Variants in SND1 observed in about 807,000 individuals in gnomAD.
The protein encoded by SND1 is staphylococcal nuclease domain-containing protein 1.
In SND1, 38 loss-of-function variants were observed where a neutral mutation model predicts 121.7. The ratio of observed to expected loss-of-function variants is 0.31; its 90% CI spans 0.24 to 0.41. SND1 has a LOEUF of 0.41. Ranked by LOEUF, SND1 falls within the 10% of genes least tolerant of loss-of-function variation. SND1 has a pLI of 1.00. For synonymous variants in SND1, 401 were observed against 447.4 expected (o/e 0.90, Z 1.31); for missense variants, 868 against 1,184.6 (o/e 0.73, Z 3.92).
At chr7:127,802,478 T>C (rs1455073432) in intron 10 of SND1, among the ~76,000 whole-genome samples, 1 of 152,238 alleles carries the variant, frequency 6.6e-6, no homozygotes, top group African/African-American at 2.4e-5. Flanking sequence ...TGCCTTAGTT[T>C]GTGGCATTTG....
chr7:127,896,118 A>C (rs1344462238), intron 13 of SND1, among the ~76,000 whole-genome samples: 1 of 151,996 alleles, frequency 6.6e-6, no homozygotes, highest in Admixed American at 6.6e-5. Context: ...CAGAGAGGAC[A>C]TTGTTCTAGG....
chr7:127,767,412 G>A (rs772492836), intron 10 of SND1, among the ~76,000 whole-genome samples: 7 of 152,268 alleles, frequency 4.6e-5, no homozygotes, highest in Non-Finnish European at 1.0e-4. Context: ...CTAGGCCCTC[G>A]AATCTATTTC....
At chr7:127,996,977 A>G (rs894435151) in intron 16 of SND1, among the ~76,000 whole-genome samples, 1 of 152,236 alleles carries the variant, frequency 6.6e-6, no homozygotes, top group African/African-American at 2.4e-5. Context: ...AGTCTCAGGT[A>G]AGAAAAACTC....
intron 15 of SND1, among the ~76,000 whole-genome samples, chr7:127,959,287 TAGG>T (rs2116867773): frequency 6.6e-6 from 1 of 152,336 alleles, no homozygotes; most frequent in East Asian, 1.9e-4. Flanking sequence ...CTATACCACT[TAGG>T]AGTGTTTCCC....
intron 1 of SND1, among the ~76,000 whole-genome samples, chr7:127,654,125 G>A (rs1454461681): frequency 6.6e-6 from 1 of 152,232 alleles, no homozygotes; most frequent in Admixed American, 6.5e-5. Context: ...GGAATAGAAT[G>A]AGGCTGAACA....
chr7:127,897,807 C>T (rs1462345587), intron 13 of SND1, among the ~76,000 whole-genome samples: 1 of 152,078 alleles, frequency 6.6e-6, no homozygotes, highest in Non-Finnish European at 1.5e-5. Context: ...ATTTCCTGTG[C>T]ACCTATTAAA....
chr7:128,057,973 G>T (rs1321669746), intron 16 of SND1, among the ~76,000 whole-genome samples: 2 of 152,232 alleles, frequency 1.3e-5, no homozygotes, highest in African/African-American at 4.8e-5. Flanking sequence ...AAAGTGACCA[G>T]TGCTCAGGCT....
intron 14 of SND1, among the ~76,000 whole-genome samples, chr7:127,907,084 T>G (rs1459642765): frequency 1.3e-5 from 2 of 152,212 alleles, no homozygotes; most frequent in East Asian, 1.9e-4. Context: ...AGAGTAAAGC[T>G]TGAGCAAGTG....
intron 14 of SND1, among the ~76,000 whole-genome samples, chr7:127,908,672 A>G (rs1800396715): frequency 6.6e-6 from 1 of 152,076 alleles, no homozygotes; most frequent in Non-Finnish European, 1.5e-5. Context: ...CTTCATACAT[A>G]CATGTTTTCA....
At chr7:127,779,230 C>T (rs1191752346) in intron 10 of SND1, among the ~76,000 whole-genome samples, 5 of 152,094 alleles carry the variant, frequency 3.3e-5, no homozygotes, top group African/African-American at 1.2e-4. Flanking sequence ...GCTAGGGATA[C>T]GTGGTTGTTG....
At chr7:127,790,329 C>T (rs1359812801) in intron 10 of SND1, among the ~76,000 whole-genome samples, 1 of 152,164 alleles carries the variant, frequency 6.6e-6, no homozygotes, top group Non-Finnish European at 1.5e-5. Context: ...TCTCCTTAAA[C>T]ACGATCAGCT....
At chr7:127,998,603 T>C (rs1012851974) in intron 16 of SND1, 2 of 153,468 alleles carry the variant, frequency 1.3e-5, no homozygotes, top group African/African-American at 4.8e-5. Context: ...ACCAGGTTGT[T>C]ATCTGTCTAT....
At chr7:127,713,541 G>T (rs1018418886) in intron 9 of SND1, among the ~76,000 whole-genome samples, 4 of 152,166 alleles carry the variant, frequency 2.6e-5, no homozygotes, top group African/African-American at 9.7e-5. Context: ...TTAACAAATA[G>T]TGATTCTCTC....
At chr7:127,812,193 CA>C (rs1435095295) in intron 11 of SND1, among the ~76,000 whole-genome samples, 1 of 152,176 alleles carries the variant, frequency 6.6e-6, no homozygotes, top group Non-Finnish European at 1.5e-5. Context: ...CAGATATAGA[CA>C]GGGTCGTGGT....
chr7:127,826,954 T>A (rs974340936), intron 11 of SND1, among the ~76,000 whole-genome samples: 1 of 152,198 alleles, frequency 6.6e-6, no homozygotes, highest in Non-Finnish European at 1.5e-5. Flanking sequence ...TGACTCCAAC[T>A]TGGAAGGCCC....
At chr7:127,759,988 G>A (rs1312643067) in intron 10 of SND1, among the ~76,000 whole-genome samples, 1 of 152,120 alleles carries the variant, frequency 6.6e-6, no homozygotes, top group East Asian at 1.9e-4. Flanking sequence ...CTCCCCAGGT[G>A]GGCAACCTGC....
At chr7:128,033,004 A>T (rs1451620762) in intron 16 of SND1, among the ~76,000 whole-genome samples, 1 of 152,158 alleles carries the variant, frequency 6.6e-6, no homozygotes, top group Non-Finnish European at 1.5e-5. Context: ...ATGGAGCTGC[A>T]GCCGCGGCTT....
chr7:127,991,202 T>C, intron 16 of SND1, 146 bp downstream of exon 16: 2 of 634,174 alleles, frequency 3.2e-6, no homozygotes, highest in Non-Finnish European at 5.5e-6. Context: ...GCCCACATCT[T>C]ATTTCCCTGA....
intron 11 of SND1, among the ~76,000 whole-genome samples, chr7:127,839,574 C>T (rs780671638): frequency 6.6e-6 from 1 of 152,102 alleles, no homozygotes; most frequent in Admixed American, 6.6e-5. Flanking sequence ...TCCAGAGAGC[C>T]TGAGAATTCT....
Sources: allele counts gnomAD v4.1 joint callset (sites outside exome capture counted in the v4.1 genomes callset), GRCh38; gene constraint gnomAD v4.1.1; transcripts MANE v1.5; gene names NCBI Gene and HGNC (gene_info 2026-07-23, HGNC 2026-07-21).